STAMBP: variants seen among roughly 807,000 people sequenced by gnomAD.
The protein encoded by STAMBP is STAM-binding protein.
In STAMBP, 31 loss-of-function variants were observed where a neutral mutation model predicts 50.7. The ratio of observed to expected loss-of-function variants is 0.61; its 90% confidence interval spans 0.46 to 0.83. STAMBP has a LOEUF of 0.83. STAMBP is among the 40% of genes least tolerant of loss of function. The probability of loss-of-function intolerance (pLI) is 0.00; values close to 1 mark genes in which losing one functional copy is unlikely to be tolerated. For missense variants in STAMBP, 472 were observed against 518.9 expected (o/e 0.91, Z 0.88); for synonymous variants, 211 against 192.4 (o/e 1.10, Z -0.80).
In STAMBP at chr2:73,831,049, A is replaced by G; in HGVS notation, c.193A>G (p.Lys65Glu). The G allele has an allele frequency of 1.2e-6, 2 of 1,613,968 alleles. No homozygotes were observed. Among genetic ancestry groups the G allele is most frequent in the Non-Finnish European group, 1.7e-6 (2 of 1,179,826 alleles). Residue 65 changes from lysine (K) to glutamate (E), a missense_variant, in exon 2 of 10, where the codon AAG becomes GAG. Lys to Glu is a moderately conservative substitution (Grantham distance 56). Coordinates refer to ENST00000394070, the MANE Select transcript of STAMBP (RefSeq NM_213622.4). ...TGAACATGCCTTCATCCTCTATAAC[A>G]AGTATATCACGTAAGACACCTACAG... ...NIEHAFILYN[K>E]YITLFIEKLP...
rs745324690 is a variant in STAMBP, at chr2:73,847,491, A to G, written c.480A>G (p.Glu160=). The G allele has an allele frequency of 4.3e-6, 7 of 1,614,100 alleles. No homozygotes were observed. The highest frequency in any genetic ancestry group is 1.7e-5 in the Admixed American group (1 of 60,010). ...AQQKQQQLEQ[E]QFHAFEEMIR... ...AGAAGCAGCAGCAATTGGAACAGGAACAGTTCCATGCCTTCGAGGAGATGA... is the reference window on the plus strand; with the variant it reads ...AGAAGCAGCAGCAATTGGAACAGGAGCAGTTCCATGCCTTCGAGGAGATGA... Residue 160 remains glutamate (E), a synonymous_variant, in exon 5 of 10, where the codon GAA becomes GAG. Transcript: ENST00000394070.
At chr2:73,854,703 A>C (rs1429607672) in intron 7 of STAMBP, among the ~76,000 whole-genome samples, 1 of 152,088 alleles carries the variant, frequency 6.6e-6, no homozygotes, top group Non-Finnish European at 1.5e-5. Context: ...TTAAAAACAA[A>C]CAGGCTGAGT....
At chr2:73,862,008 G>A (rs1036044063) in intron 9 of STAMBP, among the ~76,000 whole-genome samples, 195 bp from the exon 10 acceptor site, 2 of 152,048 alleles carry the variant, frequency 1.3e-5, no homozygotes, top group African/African-American at 2.4e-5. Flanking sequence ...ATGGTGGCTC[G>A]TGCCTGTAAT....
Position 73,849,458 on chromosome 2 carries a change from G to C in STAMBP, c.838G>C (p.Glu280Gln). The change falls in exon 6 of 10, where the codon GAG becomes CAG. Residue 280 changes from glutamate to glutamine, a missense_variant. Physicochemically the swap from Glu to Gln is conservative, Grantham distance 29 (BLOSUM62 2). Transcript: ENST00000394070. ...CAGTGCCAACACTGCCCGGGGAGTG[G>C]AGACATGTGGAATTCTCTGTGGAAA... ...LASANTARGV[E>Q]TCGILCGKLM... 3.1e-6 allele frequency: 5 copies of C among 1,609,860 alleles called. No homozygotes were observed. The highest frequency in any genetic ancestry group is 4.2e-6 in the Non-Finnish European group (5 of 1,178,566).
chr2:73,841,375 T>C (rs1675368788), intron 2 of STAMBP, among the ~76,000 whole-genome samples: 1 of 152,198 alleles, frequency 6.6e-6, no homozygotes, highest in Non-Finnish European at 1.5e-5. Flanking sequence ...TGTTTATTAG[T>C]TAAAAAAAAT....
intron 5 of STAMBP, among the ~76,000 whole-genome samples, chr2:73,848,863 T>G (rs1363778210): frequency 6.6e-6 from 1 of 152,242 alleles, no homozygotes; most frequent in Non-Finnish European, 1.5e-5. Context: ...CAAGAACTTG[T>G]GTCTTTTTCC....
downstream of STAMBP, among the ~76,000 whole-genome samples, chr2:73,870,909 AT>A (rs994849386): frequency 6.6e-6 from 1 of 151,926 alleles, no homozygotes; most frequent in Non-Finnish European, 1.5e-5. Context: ...CACCTTTCCC[AT>A]GTTGTAGGAG....
chr2:73,848,254 C>G (rs1676384699), intron 5 of STAMBP, among the ~76,000 whole-genome samples: 1 of 152,066 alleles, frequency 6.6e-6, no homozygotes, highest in Non-Finnish European at 1.5e-5. Flanking sequence ...CCATGGTGTT[C>G]AGAAACTGGG....
At chr2:73,860,193 A>G (rs201065374) in intron 9 of STAMBP, 42 bp downstream of exon 9, 17 of 1,528,706 alleles carry the variant, frequency 1.1e-5, no homozygotes, top group Admixed American at 1.7e-5. Flanking sequence ...TGCTTCAAGC[A>G]GGGAGGACAG....
At chr2:73,832,311 C>T (rs773826177) in intron 2 of STAMBP, among the ~76,000 whole-genome samples, 105 of 151,546 alleles carry the variant, frequency 6.9e-4, no homozygotes, top group Middle Eastern at 3.4e-3. Context: ...AAAAATTAGT[C>T]GGGCATGGTG....
intron 9 of STAMBP, among the ~76,000 whole-genome samples, 176 bp from the exon 10 acceptor site, chr2:73,862,027 C>T (rs566337150): frequency 1.3e-5 from 2 of 152,046 alleles, no homozygotes; most frequent in South Asian, 4.1e-4. Context: ...ATCCCAGCTA[C>T]TGGGAAAGCT....
At chr2:73,862,153 A>AG in intron 9 of STAMBP, 50 bp from the exon 10 acceptor site, 1 of 1,509,108 alleles carries the variant, frequency 6.6e-7, no homozygotes, top group African/African-American at 1.4e-5. Flanking sequence ...AAAAAAAAAA[A>AG]GACTTTTCAG....
chr2:73,830,895 C>G lies in STAMBP; in HGVS notation c.39C>G (p.Asp13Glu), dbSNP rs916491088. The change falls in exon 2 of 10, where the codon GAC becomes GAG. Residue 13 changes from aspartate (D) to glutamate (E), a missense_variant. By Grantham distance (45) the Asp-to-Glu change is conservative. Transcript: ENST00000394070. The stretch of plus-strand genomic sequence containing the variant: ...GAGATGTGAGCCTCCCGCCCGAAGA[C>G]CGGGTGAGGGCTCTCTCCCAGCTGG... ...DHGDVSLPPE[D>E]RVRALSQLGS... The G allele has an allele frequency of 1.2e-6, 2 of 1,613,710 alleles. No homozygotes were observed. The highest frequency in any genetic ancestry group is 2.7e-5 in the African/African-American group (2 of 74,908).
chr2:73,872,433 A>AATT (rs1679237499), intron 10 of STAMBP, among the ~76,000 whole-genome samples: 2 of 152,264 alleles, frequency 1.3e-5, no homozygotes, highest in African/African-American at 2.4e-5. Flanking sequence ...TCGCACATCC[A>AATT]GGCTGTGGGT....
chr2:73,836,396 C>G (rs1319262030), intron 2 of STAMBP, among the ~76,000 whole-genome samples: 6 of 152,248 alleles, frequency 3.9e-5, no homozygotes, highest in African/African-American at 1.4e-4. Flanking sequence ...CTCCCCCTCC[C>G]CTCCACCCCG....
chr2:73,849,254 G>T (rs1424432832), intron 5 of STAMBP, 109 bp from the exon 6 acceptor site: 1 of 1,536,246 alleles, frequency 6.5e-7, no homozygotes, highest in Non-Finnish European at 8.9e-7. Context: ...GCCTGAAGTT[G>T]GGGGAATCCC....
intron 2 of STAMBP, among the ~76,000 whole-genome samples, chr2:73,841,940 A>G (rs977174027): frequency 6.6e-6 from 1 of 152,140 alleles, no homozygotes; most frequent in African/African-American, 2.4e-5. Flanking sequence ...ATTCATGTAC[A>G]GGTCTGGGAG....
intron 4 of STAMBP, 71 bp from the exon 5 acceptor site, chr2:73,847,316 A>G: frequency 6.6e-7 from 1 of 1,518,154 alleles, no homozygotes; most frequent in Non-Finnish European, 8.8e-7. Flanking sequence ...TCCATGCTAA[A>G]AAGCCTTGTT....
chr2:73,837,414 T>C (rs1249589918), intron 2 of STAMBP, among the ~76,000 whole-genome samples: 1 of 147,182 alleles, frequency 6.8e-6, no homozygotes, highest in Non-Finnish European at 1.5e-5. Context: ...TGAAACCCCA[T>C]CTCTACTAAA....
Sources: gnomAD v4.1 joint callset for allele counts (sites outside exome capture counted in the v4.1 genomes callset) on GRCh38, gnomAD v4.1.1 for gene constraint, MANE v1.5 for transcripts, NCBI Gene and HGNC (gene_info 2026-07-23, HGNC 2026-07-21) for gene names.